Variants in NDUFS4 observed in about 807,000 individuals in gnomAD.
NDUFS4 encodes NADH:ubiquinone oxidoreductase subunit S4.
NDUFS4 carries 28 observed loss-of-function variants against 24.3 expected under a neutral mutation model. The ratio of observed to expected loss-of-function variants is 1.15; its 90% CI spans 0.85 to 1.58. NDUFS4 has a LOEUF of 1.58. Ranked by LOEUF, NDUFS4 falls within the 40% of genes most tolerant of loss-of-function variation. The pLI is 0.00. For synonymous variants in NDUFS4, 93 were observed against 69.7 expected, an observed-to-expected ratio of 1.34 and a Z score of -1.67; for missense variants, 223 against 207.9, an observed-to-expected ratio of 1.07 and a Z score of -0.45.
chr5:53,619,020 A>G (rs978994470), intron 2 of NDUFS4, among the ~76,000 whole-genome samples: 4 of 151,972 alleles, frequency 2.6e-5, no homozygotes, highest in South Asian at 2.1e-4. Context: ...CGGCTGAGAC[A>G]TGAAAATTGC....
At chr5:53,580,974 C>T (rs539926428) in intron 1 of NDUFS4, among the ~76,000 whole-genome samples, 1 of 152,224 alleles carries the variant, frequency 6.6e-6, no homozygotes, top group Admixed American at 6.5e-5. Flanking sequence ...GCTGGGATTA[C>T]AGGCATGTGC....
chr5:53,575,610 C>T (rs1354683094), intron 1 of NDUFS4, among the ~76,000 whole-genome samples: 3 of 134,238 alleles, frequency 2.2e-5, no homozygotes, highest in East Asian at 2.4e-4. Flanking sequence ...GGCATGATCT[C>T]GGCTCACTGC....
At chr5:53,590,560 A>G (rs1048112251) in intron 1 of NDUFS4, among the ~76,000 whole-genome samples, 4 of 152,214 alleles carry the variant, frequency 2.6e-5, no homozygotes, top group African/African-American at 7.2e-5. Flanking sequence ...GAAGTTCAAC[A>G]GCTTAATTCT....
chr5:53,658,668 T>C, intron 4 of NDUFS4, 44 bp downstream of exon 4: 1 of 1,531,814 alleles, frequency 6.5e-7, no homozygotes, highest in Non-Finnish European at 9.0e-7. Flanking sequence ...AATGATTTTA[T>C]GTTCTTAACC....
intron 2 of NDUFS4, chr5:53,604,831 A>G (rs548555687): frequency 2.6e-5 from 12 of 456,090 alleles, no homozygotes; most frequent in Non-Finnish European, 4.0e-5. Flanking sequence ...TGTTCACTCT[A>G]CCTGGATGCA....
chr5:53,623,583 T>C (rs1272060382), intron 2 of NDUFS4, among the ~76,000 whole-genome samples: 3 of 152,224 alleles, frequency 2.0e-5, no homozygotes, highest in African/African-American at 7.2e-5. Context: ...ATCTGTATTT[T>C]TTTGTTGCAT....
chr5:53,573,692 A>G (rs1218620901), intron 1 of NDUFS4: 1 of 376,664 alleles, frequency 2.7e-6, no homozygotes, highest in Non-Finnish European at 5.2e-6. Flanking sequence ...GGGCTTAAGC[A>G]GTCCTCCCAC....
At chr5:53,567,290 G>T (rs930738936) in intron 1 of NDUFS4, among the ~76,000 whole-genome samples, 2 of 152,178 alleles carry the variant, frequency 1.3e-5, no homozygotes, top group Admixed American at 6.5e-5. Context: ...GTAATAATCA[G>T]TTCAAACCCT....
chr5:53,569,007 A>G (rs1749129765), intron 1 of NDUFS4, among the ~76,000 whole-genome samples: 1 of 152,196 alleles, frequency 6.6e-6, no homozygotes, highest in African/African-American at 2.4e-5. Context: ...CTTACTGGAC[A>G]AAAGATTCTG....
chr5:53,682,411 A>AAGTGT (rs1407873797), intron 4 of NDUFS4, among the ~76,000 whole-genome samples: 12 of 151,954 alleles, frequency 7.9e-5, no homozygotes, highest in African/African-American at 2.9e-4. Context: ...GGAATTGATA[A>AAGTGT]AGTGTAGTTT....
intron 4 of NDUFS4, among the ~76,000 whole-genome samples, chr5:53,679,277 A>ATGAG (rs1318834794): frequency 6.6e-6 from 1 of 152,146 alleles, no homozygotes; most frequent in Admixed American, 6.6e-5. Context: ...CCTAACAATC[A>ATGAG]TGAGTGGTCA....
chr5:53,619,655 T>G (rs1387452416), intron 2 of NDUFS4, among the ~76,000 whole-genome samples: 1 of 152,008 alleles, frequency 6.6e-6, no homozygotes, highest in East Asian at 1.9e-4. Context: ...CACCTTAATC[T>G]CAGTCTTGGT....
At chr5:53,586,186 G>A (rs1436221247) in intron 1 of NDUFS4, among the ~76,000 whole-genome samples, 1 of 151,174 alleles carries the variant, frequency 6.6e-6, no homozygotes, top group East Asian at 2.0e-4. Context: ...AAAATTAGCT[G>A]GGTGTGGTGG....
intron 2 of NDUFS4, among the ~76,000 whole-genome samples, chr5:53,629,378 G>A (rs1751330807): frequency 6.6e-6 from 1 of 152,174 alleles, no homozygotes; most frequent in African/African-American, 2.4e-5. Flanking sequence ...GGGGAGTTCT[G>A]TAGATGTCTA....
At chr5:53,637,909 C>A (rs983453141) in intron 2 of NDUFS4, among the ~76,000 whole-genome samples, 1 of 152,094 alleles carries the variant, frequency 6.6e-6, no homozygotes, top group Non-Finnish European at 1.5e-5. Flanking sequence ...TAGACTATTG[C>A]TCACTGCAAA....
chr5:53,599,150 G>C (rs1390250759), intron 1 of NDUFS4, among the ~76,000 whole-genome samples: 1 of 151,874 alleles, frequency 6.6e-6, no homozygotes, highest in Non-Finnish European at 1.5e-5. Flanking sequence ...TGTTTTACTG[G>C]GTACATTGCC....
intron 1 of NDUFS4, among the ~76,000 whole-genome samples, chr5:53,578,215 C>T (rs1423805468): frequency 6.6e-6 from 1 of 152,170 alleles, no homozygotes; most frequent in Non-Finnish European, 1.5e-5. Flanking sequence ...TATTCTGTTG[C>T]TGATGAAGTC....
At chr5:53,594,102 A>G (rs1750058800) in intron 1 of NDUFS4, among the ~76,000 whole-genome samples, 1 of 152,112 alleles carries the variant, frequency 6.6e-6, no homozygotes, top group African/African-American at 2.4e-5. Flanking sequence ...CTTAACTGAT[A>G]CTCTGTCTAC....
chr5:53,658,784 CAAAAAAAAA>C (rs35754713), intron 4 of NDUFS4, 160 bp downstream of exon 4: 37 of 138,368 alleles, frequency 2.7e-4, no homozygotes, highest in Admixed American at 2.0e-3. Context: ...CACCCACCTC[CAAAAAAAAA>C]AAAAAAAAAA....
Sources: allele counts gnomAD v4.1 joint callset (sites outside exome capture counted in the v4.1 genomes callset), GRCh38; gene constraint gnomAD v4.1.1; transcripts MANE v1.5; gene names NCBI Gene and HGNC (gene_info 2026-07-23, HGNC 2026-07-21).